TRAF7: variants seen among roughly 807,000 people sequenced by gnomAD.
TRAF7 encodes the protein TNF receptor associated factor 7.
A neutral mutation model predicts 89.3 loss-of-function variants in TRAF7; 45 were observed. That is an observed-to-expected ratio of 0.50 (90% CI 0.40 to 0.65). TRAF7 has a LOEUF of 0.65. TRAF7 is among the 30% of genes least tolerant of loss of function. TRAF7 has a pLI of 0.00. For synonymous variants in TRAF7, 406 were observed against 369.2 expected, an observed-to-expected ratio of 1.10 and a Z score of -1.14; for missense variants, 677 against 918.1, an observed-to-expected ratio of 0.74 and a Z score of 3.39.
intron 16 of TRAF7, 21 bp downstream of exon 16, chr16:2,175,438 T>TA (rs1420927309): frequency 6.2e-7 from 1 of 1,612,568 alleles, no homozygotes; most frequent in African/African-American, 1.3e-5. Context: ...AGGCTGTGCC[T>TA]ACGTGTGTGT....
In TRAF7 at chr16:2,163,400, G is replaced by A. The variant is rs575886985; in HGVS notation, c.-38-483G>A. ...CCCCGCTGCAGCCTGGTGCTGGCTG[G>A]GTCCTGACCGCACCTGTCGTGGCAG... On this transcript the variant is annotated intron_variant, in intron 1 of 20. Transcript: ENST00000326181. The surrounding 1 kb of genome is among the most constrained non-coding windows in gnomAD (Gnocchi z 4.3). 1 of 166,866 alleles carries A rather than the reference G, an allele frequency of 6.0e-6. No individual in the cohort carries two copies. The highest frequency in any genetic ancestry group is 2.4e-5 in the African/African-American group (1 of 41,644). The allele number at this position is 166,866 out of a possible 1,614,324, so 10.3% of individuals were successfully genotyped here.
rs1452872009 is a variant in TRAF7, at chr16:2,168,174, T to G, written c.231+6T>G. The G allele has an allele frequency of 1.9e-6, 3 of 1,605,470 alleles. No homozygotes were observed. The highest frequency in any genetic ancestry group is 2.5e-6 in the Non-Finnish European group (3 of 1,177,144). On this transcript the variant is annotated splice_donor_region_variant and intron_variant, in intron 4 of 20. Coordinates refer to ENST00000326181, the MANE Select transcript of TRAF7 (RefSeq NM_032271.3). The surrounding 1 kb of genome is among the most constrained non-coding windows in gnomAD (Gnocchi z 4.1). ...GGGACGAGGAGGACAGCATGGTAGG[T>G]CCCTACCCCCAGGAGCCCGTGTGAG...
chr16:2,157,021 G>A (rs1223606193), intron 1 of TRAF7, among the ~76,000 whole-genome samples: 2 of 152,138 alleles, frequency 1.3e-5, no homozygotes, highest in Non-Finnish European at 2.9e-5. Flanking sequence ...TCTTGGGGGT[G>A]AGGGGCTGCT....
chr16:2,171,325 T>C lies in TRAF7; in HGVS notation c.410T>C (p.Val137Ala). Residue 137 changes from valine (V) to alanine (A), a missense_variant, in exon 6 of 21, where the codon GTC (valine) becomes GCC (alanine). Physicochemically the swap from Val to Ala is moderately conservative, Grantham distance 64. Transcript: ENST00000326181. ...CTGTGCTGTCAGCTCTGCTGCAGCGTCTTCAAAGACCCCGTGATCACCACG... is the reference window on the plus strand; with the variant it reads ...CTGTGCTGTCAGCTCTGCTGCAGCGCCTTCAAAGACCCCGTGATCACCACG... ...VKLCCQLCCSVFKDPVITTCG... is the reference protein window; with the variant it reads ...VKLCCQLCCSAFKDPVITTCG... 6.4e-7 allele frequency: 1 copy of C among 1,555,180 alleles called. No individual in the cohort carries two copies. The highest frequency in any genetic ancestry group is 8.7e-7 in the Non-Finnish European group (1 of 1,149,724).
intron 17 of TRAF7, 81 bp downstream of exon 17, chr16:2,175,703 C>T (rs2141296075): frequency 1.3e-6 from 2 of 1,590,702 alleles, no homozygotes; most frequent in South Asian, 1.1e-5. Flanking sequence ...GCTCCATCTG[C>T]CCTGTTCCTA....
At chr16:2,164,648 G>A (rs1253097460) in intron 2 of TRAF7, among the ~76,000 whole-genome samples, 1 of 142,996 alleles carries the variant, frequency 7.0e-6, no homozygotes, top group Non-Finnish European at 1.5e-5. Context: ...CTGGTCGCAT[G>A]GTTAAGCGTG....
chr16:2,177,507 A>C lies in TRAF7; in HGVS notation c.*933A>C. 1 of 232,760 alleles carries C rather than the reference A, an allele frequency of 4.3e-6. No individual in the cohort carries two copies. The highest frequency in any genetic ancestry group is 8.5e-6 in the Non-Finnish European group (1 of 117,794). 14.4% of individuals were successfully genotyped at this position (232,760 alleles called of 1,614,324 possible). A position where few individuals can be genotyped will look rare whatever the true frequency, so the allele number is the denominator to read the frequency against. On this transcript the variant is annotated 3_prime_UTR_variant, in exon 21 of 21. Transcript: ENST00000326181. ...GAGGAGACCAGTCAGTACTTCTTGG[A>C]GGGGGCAGGAGGAGAGAGGAAAAGG...
At position 2,163,736 on chromosome 16, in the gene TRAF7, G is replaced by A. The variant is rs2093066667; in HGVS notation, c.-38-147G>A. The A allele has an allele frequency of 3.2e-6, 2 of 632,826 alleles. No individual in the cohort carries two copies. The highest frequency in any genetic ancestry group is 5.7e-6 in the Non-Finnish European group (2 of 352,920). The allele number at this position is 632,826 out of a possible 1,614,324, so 39.2% of individuals were successfully genotyped here. A position where few individuals can be genotyped will look rare whatever the true frequency, so the allele number is the denominator to read the frequency against. On this transcript the variant is annotated intron_variant, in intron 1 of 20. Transcript: ENST00000326181. This position sits in a 1 kb window ranked among gnomAD's most constrained non-coding sequence, Gnocchi z 4.3. ...GGTGAAGGACCTTTGCCTCCTAGAG[G>A]CCTGCCTGAGCCGGGGCTGGTGGTG...
rs138558486 is a variant in TRAF7 at position 2,173,188 on chromosome 16, G to A, written c.801G>A (p.Thr267=). 5.5e-5 allele frequency: 88 copies of A among 1,607,496 alleles called. 1 individual carries two copies. The Middle Eastern group carries it at 6.6e-4, about 12-fold the overall frequency. ...AGCTGTCCTGTCCCCGCAGGTGCAC[G>A]TTCATCGGGAACCAGGACACTTACG... ...IKCPHSKYGC[T]FIGNQDTYET... is the part of the protein sequence containing the mutation. The change falls in exon 10 of 21, where the codon ACG becomes ACA. Residue 267 remains threonine, a synonymous_variant. Transcript: ENST00000326181.
In TRAF7 at chr16:2,177,965, T is replaced by C. The variant is rs2093147843; in HGVS notation, c.*1391T>C. ...AGACAGCCTGGGCCTCTAACAGCTTTTGTCCGGAGCTAGACTTCGTGTCCT... is the reference window on the plus strand; with the variant it reads ...AGACAGCCTGGGCCTCTAACAGCTTCTGTCCGGAGCTAGACTTCGTGTCCT... On this transcript the variant is annotated 3_prime_UTR_variant, in exon 21 of 21. Coordinates refer to ENST00000326181, the MANE Select transcript of TRAF7 (RefSeq NM_032271.3). The C allele has an allele frequency of 2.7e-6, 1 of 368,286 alleles. No individual in the cohort carries two copies. Among genetic ancestry groups the C allele is most frequent in the Non-Finnish European group, 5.1e-6 (1 of 195,956 alleles). The allele number at this position is 368,286 out of a possible 1,614,324, so 22.8% of individuals were successfully genotyped here.
Position 2,175,968 on chromosome 16 carries a change from T to G in TRAF7, c.1746+15T>G. ...ACCTCATCCACGTAAGGCCTGGGCATCTGGGTGCAAGGCCAGACTGTGGCC... is the reference window on the plus strand; with the variant it reads ...ACCTCATCCACGTAAGGCCTGGGCAGCTGGGTGCAAGGCCAGACTGTGGCC... On this transcript the variant is annotated intron_variant, in intron 18 of 20. Coordinates refer to ENST00000326181, the MANE Select transcript of TRAF7 (RefSeq NM_032271.3). The G allele has an allele frequency of 6.2e-7, 1 of 1,612,984 alleles. No individual in the cohort carries two copies. Among genetic ancestry groups the G allele is most frequent in the East Asian group, 2.2e-5 (1 of 44,874 alleles).
In TRAF7 at chr16:2,158,453, G is replaced by A. The variant is rs1014280525; in HGVS notation, c.-39+2595G>A. Among the ~76,000 whole-genome samples the A allele has an allele frequency of 2.6e-5, 4 of 152,188 alleles. No homozygotes were observed. Among genetic ancestry groups the A allele is most frequent in the Non-Finnish European group, 2.9e-5 (2 of 68,016 alleles). On this transcript the variant is annotated intron_variant, in intron 1 of 20. Coordinates refer to ENST00000326181, the MANE Select transcript of TRAF7 (RefSeq NM_032271.3). This position sits in a 1 kb window ranked among gnomAD's most constrained non-coding sequence, Gnocchi z 4.7. ...AGCCGGCTGCCTGGAAACTCGGGGT[G>A]GAGGTGACCCAACCCCAGAAGCACC...
intron 9 of TRAF7, among the ~76,000 whole-genome samples, chr16:2,172,860 G>C (rs1449248214): frequency 4.6e-5 from 7 of 152,300 alleles, no homozygotes; most frequent in African/African-American, 1.7e-4. Flanking sequence ...CTTTGGAGAG[G>C]GAGGTGGGGG....
At chr16:2,170,539 C>T (rs1193671862) in intron 4 of TRAF7, 75 bp from the exon 5 acceptor site, 10 of 1,171,316 alleles carry the variant, frequency 8.5e-6, no homozygotes, top group African/African-American at 6.1e-5. Context: ...GCGCTTCCGC[C>T]GGGCTGGGTC....
Position 2,176,345 on chromosome 16 carries a change from G to T in TRAF7, c.1959G>T (p.Arg653=). Residue 653 remains arginine (R), a synonymous_variant, in exon 20 of 21, where the codon CGG becomes CGT. Coordinates refer to ENST00000326181, the MANE Select transcript of TRAF7 (RefSeq NM_032271.3). ...GTGTCACCGCGCTGGCTGTGTCCCG[G>T]GGCCGACTCTTCTCAGGGGCTGTGG... ...QGSVTALAVS[R]GRLFSGAVDS... is the part of the protein sequence containing the mutation. The T allele has an allele frequency of 6.2e-7, 1 of 1,605,114 alleles. No individual in the cohort carries two copies. Among genetic ancestry groups the T allele is most frequent in the Non-Finnish European group, 8.5e-7 (1 of 1,178,136 alleles).
At chr16:2,156,453 T>C (rs1323452019) in intron 1 of TRAF7, among the ~76,000 whole-genome samples, 1 of 151,894 alleles carries the variant, frequency 6.6e-6, no homozygotes, top group African/African-American at 2.4e-5. Flanking sequence ...TGACAATAGG[T>C]AGTTAAAATC....
At chr16:2,160,275 C>A (rs1346428888) in intron 1 of TRAF7, among the ~76,000 whole-genome samples, 1 of 152,016 alleles carries the variant, frequency 6.6e-6, no homozygotes, top group African/African-American at 2.4e-5. Context: ...CCTGCCCTTC[C>A]CCTCTGCACG....
chr16:2,163,837 G>GC lies in TRAF7; in HGVS notation c.-38-44dup. ...GCAGCAGCCCGTCTGACTCACAGGG[G>GC]CCTGGGCTCCATCTCTCAAGCCCCT... is the stretch of plus-strand genomic sequence containing the variant. On this transcript the variant is annotated intron_variant, in intron 1 of 20. Transcript: ENST00000326181. This position sits in a 1 kb window ranked among gnomAD's most constrained non-coding sequence, Gnocchi z 4.3. 7.9e-7 allele frequency: 1 copy of GC among 1,265,260 alleles called. No individual in the cohort carries two copies. The highest frequency in any genetic ancestry group is 1.1e-6 in the Non-Finnish European group (1 of 883,480). 78.4% of individuals were successfully genotyped at this position (1,265,260 alleles called of 1,614,324 possible).
At chr16:2,174,972 C>T in intron 14 of TRAF7, 139 bp from the exon 15 acceptor site, 1 of 1,070,052 alleles carries the variant, frequency 9.3e-7, no homozygotes. Flanking sequence ...TAGGCTGACG[C>T]TTAAGGACAC....
Sources: allele counts gnomAD v4.1 joint callset (sites outside exome capture counted in the v4.1 genomes callset), GRCh38; gene constraint gnomAD v4.1.1; non-coding constraint Gnocchi (gnomAD v3.1); transcripts MANE v1.5; gene names NCBI Gene and HGNC (gene_info 2026-07-23, HGNC 2026-07-21).